KCND2: variants seen among roughly 807,000 people sequenced by gnomAD.
KCND2 encodes the protein A-type voltage-gated potassium channel KCND2.
Under a neutral mutation model 54.4 loss-of-function variants are expected in KCND2, and 16 were observed. The observed-to-expected ratio is 0.29, with a 90% CI of 0.20 to 0.45. The LOEUF is 0.45. Ranked by LOEUF, KCND2 falls within the 20% of genes least tolerant of loss-of-function variation. The pLI is 1.00. For missense variants in KCND2, 486 were observed against 824.2 expected (o/e 0.59, Z 5.02); for synonymous variants, 317 against 310.7 (o/e 1.02, Z -0.21).
chr7:120,566,407 G>A lies in KCND2; in HGVS notation c.1116-166496G>A, dbSNP rs747962107. On this transcript the variant is annotated intron_variant, in intron 1 of 5. Coordinates refer to ENST00000331113, the MANE Select transcript of KCND2 (RefSeq NM_012281.3). ...CAGGCTGTAGTGCAGTGGCACAATCGTGGCTCACTGTTGCAGCCTCCACCT... is the reference window on the plus strand; with the variant it reads ...CAGGCTGTAGTGCAGTGGCACAATCATGGCTCACTGTTGCAGCCTCCACCT... 2.0e-5 allele frequency among the ~76,000 whole-genome samples: 3 copies of A among 151,854 alleles called. No homozygotes were observed. In the East Asian group the frequency reaches 5.8e-4, roughly 29 times the overall value.
intron 1 of KCND2, among the ~76,000 whole-genome samples, chr7:120,724,152 C>T (rs753191332): frequency 3.9e-5 from 6 of 152,166 alleles, no homozygotes; most frequent in Non-Finnish European, 8.8e-5. Flanking sequence ...ATTTGCTCAG[C>T]ACTGGACAAG....
chr7:120,609,033 G>A lies in KCND2; in HGVS notation c.1116-123870G>A, dbSNP rs141136334. On this transcript the variant is annotated intron_variant, in intron 1 of 5. Transcript: ENST00000331113. ...TGTGGGATTTTTCCCTACTCAGGCT[G>A]GGATATAACCTTGGTTTTCAGCGGG... 3.5e-3 allele frequency among the ~76,000 whole-genome samples: 526 copies of A among 152,184 alleles called. 3 individuals are homozygous for A. Among genetic ancestry groups the A allele is most frequent in the Admixed American group, 6.8e-3 (103 of 15,258 alleles).
At chr7:120,396,957 A>C (rs1051685051) in intron 1 of KCND2, among the ~76,000 whole-genome samples, 5 of 152,052 alleles carry the variant, frequency 3.3e-5, no homozygotes, top group Admixed American at 6.6e-5. Flanking sequence ...TTGGGAAGTC[A>C]AGCTATCTAT....
intron 1 of KCND2, among the ~76,000 whole-genome samples, chr7:120,427,617 A>G (rs1342705883): frequency 1.3e-5 from 2 of 152,230 alleles, no homozygotes; most frequent in East Asian, 3.8e-4. Context: ...TATTTGAAAC[A>G]AATATAAAAA....
At position 120,275,250 on chromosome 7, in the gene KCND2, A is replaced by G; in HGVS notation, c.618A>G (p.Thr206=). The G allele has an allele frequency of 6.2e-7, 1 of 1,613,968 alleles. No individual in the cohort carries two copies. Among genetic ancestry groups the G allele is most frequent in the Non-Finnish European group, 8.5e-7 (1 of 1,180,002 alleles). The change falls in exon 1 of 6, where the codon ACA becomes ACG. Residue 206 remains threonine (T), a synonymous_variant. Coordinates refer to ENST00000331113, the MANE Select transcript of KCND2 (RefSeq NM_012281.3). The part of the protein sequence containing the change: ...AVSVIANVVE[T]VPCGSSPGHI... ...CTGTCATCGCGAATGTGGTGGAAACAGTGCCGTGCGGATCAAGCCCAGGTC... is the reference window on the plus strand; with the variant it reads ...CTGTCATCGCGAATGTGGTGGAAACGGTGCCGTGCGGATCAAGCCCAGGTC...
intron 3 of KCND2, 44 bp from the exon 4 acceptor site, chr7:120,742,466 T>A (rs750896894): frequency 2.0e-6 from 3 of 1,502,764 alleles, no homozygotes; most frequent in Non-Finnish European, 2.8e-6. Context: ...TCGAGTTGTT[T>A]GCAAATAAAA....
chr7:120,650,285 T>C lies in KCND2; in HGVS notation c.1116-82618T>C, dbSNP rs1007349985. The stretch of plus-strand genomic sequence containing the variant: ...CTGTAGATTTGGTCTTTTCGTATAG[T>C]CCCATATTTCTTGGAGGCTTTGTTC... On this transcript the variant is annotated intron_variant, in intron 1 of 5. Coordinates refer to ENST00000331113, the MANE Select transcript of KCND2 (RefSeq NM_012281.3). Among the ~76,000 whole-genome samples the C allele has an allele frequency of 2.8e-5, 4 of 143,310 alleles. 1 individual carries two copies. Among genetic ancestry groups the C allele is most frequent in the Admixed American group, 1.4e-4 (2 of 14,754 alleles). The allele number at this position is 143,310 out of a possible 152,430, so 94.0% of individuals were successfully genotyped here.
intron 1 of KCND2, among the ~76,000 whole-genome samples, chr7:120,304,074 A>G (rs1353128280): frequency 6.6e-6 from 1 of 152,150 alleles, no homozygotes; most frequent in Non-Finnish European, 1.5e-5. Flanking sequence ...TTGTACCAGC[A>G]ATGAACGAGA....
intron 5 of KCND2, chr7:120,747,030 A>G (rs1584905315): frequency 6.6e-6 from 1 of 152,182 alleles, no homozygotes; most frequent in African/African-American, 2.4e-5. Context: ...ATCTTAGGAC[A>G]TAAACATCTT....
At chr7:120,428,663 G>A (rs939634907) in intron 1 of KCND2, among the ~76,000 whole-genome samples, 1 of 152,174 alleles carries the variant, frequency 6.6e-6, no homozygotes, top group Non-Finnish European at 1.5e-5. Context: ...ATACTAAAGA[G>A]TAAGTGAATC....
chr7:120,372,865 G>A (rs1194390397), intron 1 of KCND2, among the ~76,000 whole-genome samples: 1 of 152,044 alleles, frequency 6.6e-6, no homozygotes, highest in Non-Finnish European at 1.5e-5. Context: ...CCCCAGAATG[G>A]AATAGCTGCC....
At chr7:120,665,925 A>AT (rs928931184) in intron 1 of KCND2, among the ~76,000 whole-genome samples, 4 of 152,074 alleles carry the variant, frequency 2.6e-5, no homozygotes, top group Admixed American at 2.0e-4. Flanking sequence ...TACGGTCCAT[A>AT]TTTTTTACAA....
chr7:120,441,771 A>G (rs1801948336), intron 1 of KCND2, among the ~76,000 whole-genome samples: 1 of 152,082 alleles, frequency 6.6e-6, no homozygotes, highest in African/African-American at 2.4e-5. Flanking sequence ...GCTTTAGGGA[A>G]TATGCTTATC....
chr7:120,601,531 G>A (rs1792813185), intron 1 of KCND2, among the ~76,000 whole-genome samples: 4 of 152,120 alleles, frequency 2.6e-5, no homozygotes, highest in Admixed American at 2.6e-4. Flanking sequence ...GTAGGTCAAT[G>A]GTTGTAAAAA....
intron 1 of KCND2, among the ~76,000 whole-genome samples, chr7:120,726,540 G>C (rs546088245): frequency 3.3e-5 from 5 of 152,216 alleles, no homozygotes; most frequent in African/African-American, 1.2e-4. Context: ...CTAACACTCT[G>C]GTCAAAGAGA....
chr7:120,398,013 A>G (rs796957135), intron 1 of KCND2, among the ~76,000 whole-genome samples: 4,144 of 127,048 alleles, frequency 0.033, 97 homozygotes, highest in Admixed American at 0.075. Context: ...ATATATATAT[A>G]TATATATATA....
intron 1 of KCND2, among the ~76,000 whole-genome samples, chr7:120,335,341 G>A (rs1800130712): frequency 9.6e-6 from 1 of 104,264 alleles, no homozygotes; most frequent in South Asian, 3.8e-4. Flanking sequence ...CTGGGCGACA[G>A]AGCAAGACTC....
At chr7:120,396,944 G>A (rs577845954) in intron 1 of KCND2, among the ~76,000 whole-genome samples, 3 of 152,014 alleles carry the variant, frequency 2.0e-5, no homozygotes, top group South Asian at 4.2e-4. Flanking sequence ...GTCCCTCTAG[G>A]CTTTGGGAAG....
intron 1 of KCND2, among the ~76,000 whole-genome samples, chr7:120,425,133 A>G (rs1023981174): frequency 1.3e-5 from 2 of 152,008 alleles, no homozygotes; most frequent in Non-Finnish European, 2.9e-5. Flanking sequence ...TCCTCTCCTT[A>G]TGCTCTTCAC....
Sources: gnomAD v4.1 joint callset for allele counts (sites outside exome capture counted in the v4.1 genomes callset) on GRCh38, gnomAD v4.1.1 for gene constraint, MANE v1.5 for transcripts, NCBI Gene and HGNC (gene_info 2026-07-23, HGNC 2026-07-21) for gene names.